Variants in SPAG17 observed in about 807,000 individuals in gnomAD.
The protein encoded by SPAG17 is sperm-associated antigen 17.
A neutral mutation model predicts 273.6 loss-of-function variants in SPAG17; 169 were observed. That is an observed-to-expected ratio of 0.62 (90% confidence interval 0.55 to 0.70). The LOEUF is 0.70. SPAG17 is among the 30% of genes least tolerant of loss of function. The pLI, the probability that SPAG17 is intolerant of heterozygous loss-of-function variation, is 0.00. For missense variants in SPAG17, 2,557 were observed against 2,627.8 expected, an observed-to-expected ratio of 0.97 and a Z score of 0.59; for synonymous variants, 825 against 873.2, an observed-to-expected ratio of 0.94 and a Z score of 0.97.
chr1:118,180,097 T>C (rs1232680134), intron 1 of SPAG17, among the ~76,000 whole-genome samples: 1 of 152,040 alleles, frequency 6.6e-6, no homozygotes, highest in Non-Finnish European at 1.5e-5. Flanking sequence ...ACTTGGTATA[T>C]AGCCAAAATA....
chr1:118,001,446 G>A (rs1658274708), intron 32 of SPAG17, among the ~76,000 whole-genome samples: 1 of 152,080 alleles, frequency 6.6e-6, no homozygotes, highest in South Asian at 2.1e-4. Context: ...AATCTGTCTG[G>A]TCCTGGACTT....
At chr1:118,141,333 A>G (rs574423503) in intron 3 of SPAG17, among the ~76,000 whole-genome samples, 2 of 152,344 alleles carry the variant, frequency 1.3e-5, no homozygotes, top group East Asian at 3.9e-4. Context: ...AGCCAAAGCT[A>G]TGTACCACCT....
chr1:118,150,638 A>T lies in SPAG17; in HGVS notation c.229-9T>A, dbSNP rs1209136974. ...GTATTTATTTCATTAATCTGTAAGA[A>T]AATTAAATTTACTTATGATGAAAAA... is the stretch of plus-strand genomic sequence containing the variant. On this transcript the variant is annotated splice_polypyrimidine_tract_variant and intron_variant, in intron 2 of 48. Transcript: ENST00000336338. 1 of 1,426,506 alleles carries T rather than the reference A, an allele frequency of 7.0e-7. No individual in the cohort carries two copies. The highest frequency in any genetic ancestry group is 2.3e-5 in the East Asian group (1 of 42,982). 88.4% of individuals were successfully genotyped at this position (1,426,506 alleles called of 1,614,324 possible).
chr1:118,005,387 T>C lies in SPAG17; in HGVS notation c.4776+27A>G, dbSNP rs375188517. On this transcript the variant is annotated intron_variant, in intron 32 of 48. Coordinates refer to ENST00000336338, the MANE Select transcript of SPAG17 (RefSeq NM_206996.4). ...ATCTCAAAAGCAAAGCCACAGGCTC[T>C]CTCTCCATACCAAAGGTGCACTTTA... 3.9e-6 allele frequency: 6 copies of C among 1,557,856 alleles called. No homozygotes were observed. In the African/African-American group the frequency reaches 8.2e-5, roughly 21 times the overall value.
At chr1:118,092,147 C>T (rs899508140) in intron 8 of SPAG17, 145 bp from the exon 9 acceptor site, 8 of 706,088 alleles carry the variant, frequency 1.1e-5, no homozygotes, top group Admixed American at 1.0e-4. Context: ...ATATTAGAAC[C>T]AAAGGAAAAG....
chr1:118,063,052 G>A (rs1652519062), intron 18 of SPAG17, among the ~76,000 whole-genome samples: 2 of 152,172 alleles, frequency 1.3e-5, no homozygotes, highest in South Asian at 4.1e-4. Context: ...TCTTCAAGGA[G>A]AACTACAAAC....
intron 3 of SPAG17, among the ~76,000 whole-genome samples, chr1:118,121,391 C>T (rs1041567369): frequency 6.6e-6 from 1 of 152,160 alleles, no homozygotes; most frequent in African/African-American, 2.4e-5. Flanking sequence ...GGGGTCCCAT[C>T]CCCTGGTTAG....
chr1:118,099,498 A>G, intron 6 of SPAG17, 108 bp downstream of exon 6: 5 of 1,064,920 alleles, frequency 4.7e-6, no homozygotes, highest in Non-Finnish European at 7.1e-6. Flanking sequence ...AAAAGATTTA[A>G]TAATGTACTA....
At chr1:117,969,102 C>T (rs150476813) in intron 46 of SPAG17, among the ~76,000 whole-genome samples, 4 of 152,150 alleles carry the variant, frequency 2.6e-5, no homozygotes, top group African/African-American at 7.2e-5. Context: ...GATGAACTTA[C>T]GTTTACATCA....
At chr1:118,015,235 C>T (rs1421953447) in intron 29 of SPAG17, among the ~76,000 whole-genome samples, 1 of 149,212 alleles carries the variant, frequency 6.7e-6, no homozygotes, top group Admixed American at 6.7e-5. Flanking sequence ...AGTGAGCTTG[C>T]ACTCCAGCCT....
intron 18 of SPAG17, among the ~76,000 whole-genome samples, chr1:118,063,139 C>T (rs1295787284): frequency 3.9e-5 from 6 of 152,196 alleles, no homozygotes; most frequent in Admixed American, 2.0e-4. Flanking sequence ...GAATCAGTAT[C>T]GTGAAAATGG....
chr1:118,104,774 T>C (rs887379295), intron 4 of SPAG17, among the ~76,000 whole-genome samples: 1 of 152,070 alleles, frequency 6.6e-6, no homozygotes, highest in East Asian at 1.9e-4. Context: ...TGGTGGAGTG[T>C]GGAGGTGGAA....
chr1:118,010,993 GA>G (rs1659408777), intron 30 of SPAG17, among the ~76,000 whole-genome samples: 1 of 152,146 alleles, frequency 6.6e-6, no homozygotes, highest in Non-Finnish European at 1.5e-5. Context: ...CTGAACATTA[GA>G]GAAATGCAAA....
At chr1:117,963,774 A>C (rs774437453) in intron 48 of SPAG17, 25 bp downstream of exon 48, 1 of 1,591,188 alleles carries the variant, frequency 6.3e-7, no homozygotes, top group Non-Finnish European at 8.6e-7. Flanking sequence ...TTGACAATCA[A>C]ATTCCCATTT....
At chr1:118,096,245 TA>T (rs1655693460) in intron 7 of SPAG17, among the ~76,000 whole-genome samples, 1 of 152,138 alleles carries the variant, frequency 6.6e-6, no homozygotes. Context: ...CATCTCAAGG[TA>T]ATAGAACCAG....
At chr1:118,046,146 G>A (rs1254139314) in intron 20 of SPAG17, among the ~76,000 whole-genome samples, 1 of 152,020 alleles carries the variant, frequency 6.6e-6, no homozygotes, top group African/African-American at 2.4e-5. Flanking sequence ...AGACCAGCCT[G>A]GGCAACATAG....
At chr1:118,160,371 A>G (rs542675451) in intron 1 of SPAG17, among the ~76,000 whole-genome samples, 2 of 152,340 alleles carry the variant, frequency 1.3e-5, no homozygotes, top group African/African-American at 4.8e-5. Context: ...CCTGTATTGT[A>G]AATGTCATTT....
Position 118,147,507 on chromosome 1 carries a change from G to A in SPAG17, c.315+3036C>T, listed in dbSNP as rs115238502. On this transcript the variant is annotated intron_variant, in intron 3 of 48. Coordinates refer to ENST00000336338, the MANE Select transcript of SPAG17 (RefSeq NM_206996.4). ...TGTTCTCATTCCCACATGAGTTCTT[G>A]AAACAGTTCCTAGTAGAGCAAAACA... 3.0e-3 allele frequency among the ~76,000 whole-genome samples: 461 copies of A among 152,260 alleles called. 4 individuals carry two copies. The highest frequency in any genetic ancestry group is 0.011 in the African/African-American group (438 of 41,556).
intron 35 of SPAG17, among the ~76,000 whole-genome samples, chr1:117,994,009 G>C (rs1377044401): frequency 6.6e-6 from 1 of 152,088 alleles, no homozygotes; most frequent in South Asian, 2.1e-4. Flanking sequence ...AAGAAAAAAA[G>C]GGAGAGTAAA....
Sources: gnomAD v4.1 joint callset for allele counts (sites outside exome capture counted in the v4.1 genomes callset) on GRCh38, gnomAD v4.1.1 for gene constraint, MANE v1.5 for transcripts, NCBI Gene and HGNC (gene_info 2026-07-23, HGNC 2026-07-21) for gene names.